The following TCF12 variants were observed in gnomAD, a reference collection of about 807,000 sequenced individuals.
The protein encoded by TCF12 is DNA-binding protein HTF4.
In TCF12, 45 loss-of-function variants were observed where a neutral mutation model predicts 86.0. The ratio of observed to expected loss-of-function variants is 0.52; its 90% CI spans 0.41 to 0.67. TCF12 has a LOEUF of 0.67. TCF12 is among the 30% of genes least tolerant of loss of function. TCF12 has a pLI of 0.00. For synonymous variants in TCF12, 330 were observed against 299.6 expected (o/e 1.10, Z -1.05); for missense variants, 881 against 859.9 (o/e 1.02, Z -0.31).
chr15:57,036,686 T>A (rs1446878182), intron 3 of TCF12, among the ~76,000 whole-genome samples: 1 of 152,222 alleles, frequency 6.6e-6, no homozygotes, highest in Non-Finnish European at 1.5e-5. Flanking sequence ...GCCCATTTTT[T>A]AATTGAAAAT....
intron 3 of TCF12, among the ~76,000 whole-genome samples, chr15:56,973,930 T>A (rs761360761): frequency 1.3e-5 from 2 of 152,270 alleles, no homozygotes; most frequent in South Asian, 4.1e-4. Context: ...TGAGACAGGC[T>A]CACGTTAAAG....
At position 57,240,879 on chromosome 15, in the gene TCF12, CAAAAAA is replaced by C. The variant is rs68154303; in HGVS notation, c.1036-2576_1036-2571del. Among the ~76,000 whole-genome samples the C allele has an allele frequency of 1.8e-4, 12 of 65,690 alleles. No individual in the cohort carries two copies. In the Admixed American group the frequency reaches 2.5e-3, roughly 14 times the overall value. The allele number at this position is 65,690 out of a possible 152,430, so 43.1% of individuals were successfully genotyped here. ...TGGGTGACAGAGCAAGACCCTGTCT[CAAAAAA>C]AAAAAAAAAAAAAAAAGAAAGGGAA... On this transcript the variant is annotated intron_variant, in intron 12 of 20. Coordinates refer to ENST00000333725, the MANE Select transcript of TCF12 (RefSeq NM_207037.2).
chr15:57,001,088 C>G (rs570258187), intron 3 of TCF12, among the ~76,000 whole-genome samples: 1 of 146,738 alleles, frequency 6.8e-6, no homozygotes, highest in East Asian at 2.0e-4. Context: ...GCGATCTCGG[C>G]TCACTGCAAC....
chr15:57,080,734 T>C (rs937628589), intron 4 of TCF12, among the ~76,000 whole-genome samples: 5 of 152,232 alleles, frequency 3.3e-5, no homozygotes, highest in African/African-American at 1.2e-4. Flanking sequence ...TGCCTTTTAT[T>C]AGAATGGAGT....
At chr15:57,260,699 A>C (rs914624480) in intron 16 of TCF12, among the ~76,000 whole-genome samples, 2 of 152,120 alleles carry the variant, frequency 1.3e-5, no homozygotes, top group East Asian at 3.8e-4. Context: ...GTTCCAAAGA[A>C]TTTGCAGCCG....
At chr15:57,086,944 C>G (rs1355440211) in intron 4 of TCF12, among the ~76,000 whole-genome samples, 2 of 151,858 alleles carry the variant, frequency 1.3e-5, no homozygotes, top group Admixed American at 6.6e-5. Context: ...AGAAAAAATT[C>G]TTGTATTTTT....
At chr15:57,177,637 A>AGAGAGAGAGAGAGAGAGAGAGT (rs1441034528) in intron 6 of TCF12, among the ~76,000 whole-genome samples, 1 of 151,622 alleles carries the variant, frequency 6.6e-6, no homozygotes, top group Non-Finnish European at 1.5e-5. Flanking sequence ...AGAGAGAGAG[A>AGAGAGAGAGAGAGAGAGAGAGT]GTTGGATTAG....
Position 57,104,435 on chromosome 15 carries a change from C to CTTTTT in TCF12, c.325+12564_325+12568dup, listed in dbSNP as rs71113062. Among the ~76,000 whole-genome samples, 37 of 103,332 alleles carry CTTTTT rather than the reference C, an allele frequency of 3.6e-4. 1 individual carries two copies. The highest frequency in any genetic ancestry group is 7.5e-4 in the Admixed American group (6 of 8,048). The allele number at this position is 103,332 out of a possible 152,430, so 67.8% of individuals were successfully genotyped here. A position where few individuals can be genotyped will look rare whatever the true frequency, so the allele number is the denominator to read the frequency against. ...AGCCACAAGAATAAATTTTTTTTTT[C>CTTTTT]TTTTTTTTTTTTTTTTTTTTTTTTG... On this transcript the variant is annotated intron_variant, in intron 5 of 20. Transcript: ENST00000333725.
intron 8 of TCF12, among the ~76,000 whole-genome samples, chr15:57,223,038 GA>G (rs534446168): frequency 2.6e-5 from 4 of 151,416 alleles, no homozygotes; most frequent in Non-Finnish European, 4.4e-5. Flanking sequence ...TGGAATCTGG[GA>G]AAAAAAAGAA....
intron 3 of TCF12, among the ~76,000 whole-genome samples, chr15:56,942,772 C>T (rs556974964): frequency 4.6e-5 from 7 of 152,060 alleles, no homozygotes; most frequent in African/African-American, 1.2e-4. Context: ...ATATTCCTTT[C>T]CATTTCTTTC....
At chr15:57,004,343 T>G (rs149641120) in intron 3 of TCF12, among the ~76,000 whole-genome samples, 109 of 152,158 alleles carry the variant, frequency 7.2e-4, no homozygotes, top group Non-Finnish European at 1.8e-4. Context: ...GTTCAAGTGA[T>G]TCTCCTGTCT....
intron 5 of TCF12, among the ~76,000 whole-genome samples, chr15:57,138,163 A>G (rs1402471059): frequency 2.0e-5 from 3 of 152,140 alleles, no homozygotes; most frequent in African/African-American, 7.2e-5. Flanking sequence ...CAGTTTTTCC[A>G]TTTTACTTTT....
intron 5 of TCF12, among the ~76,000 whole-genome samples, chr15:57,123,447 G>A (rs1048570639): frequency 2.6e-5 from 4 of 151,732 alleles, no homozygotes; most frequent in Admixed American, 6.6e-5. Flanking sequence ...TTGTTTGAAA[G>A]TCTTTCATTT....
At chr15:57,236,745 G>A (rs1358495622) in intron 12 of TCF12, among the ~76,000 whole-genome samples, 11 of 151,586 alleles carry the variant, frequency 7.3e-5, no homozygotes, top group African/African-American at 1.5e-4. Flanking sequence ...CATAATTGTG[G>A]TCTTAATCTC....
chr15:57,137,620 G>C (rs1249758397), intron 5 of TCF12, among the ~76,000 whole-genome samples: 1 of 152,174 alleles, frequency 6.6e-6, no homozygotes, highest in Non-Finnish European at 1.5e-5. Context: ...CAGTGACTCT[G>C]CAACTGCTAT....
intron 5 of TCF12, among the ~76,000 whole-genome samples, chr15:57,135,928 A>ATT (rs34980035): frequency 2.6e-4 from 39 of 147,374 alleles, no homozygotes; most frequent in South Asian, 6.4e-4. Flanking sequence ...AAAAATCTGG[A>ATT]TTTTTTTTTT....
intron 18 of TCF12, among the ~76,000 whole-genome samples, chr15:57,269,477 T>TAC (rs1286846907): frequency 1.4e-5 from 2 of 143,618 alleles, no homozygotes; most frequent in African/African-American, 5.1e-5. Context: ...GTCTCCTGAA[T>TAC]ACAGCACACT....
Position 57,232,754 on chromosome 15 carries a change from A to T in TCF12, c.868A>T (p.Ser290Cys). 6.2e-7 allele frequency: 1 copy of T among 1,612,160 alleles called. No individual in the cohort carries two copies. Among genetic ancestry groups the T allele is most frequent in the Non-Finnish European group, 8.5e-7 (1 of 1,179,144 alleles). The change falls in exon 11 of 21, where the codon AGT becomes TGT. Residue 290 changes from serine to cysteine, a missense_variant. By Grantham distance (112) the Ser-to-Cys change is moderately radical (BLOSUM62 -1). This residue lies in a region of TCF12 where 766 missense variants were observed against 718.9 expected (regional missense o/e 1.07). Transcript: ENST00000333725. Reference sequence around the variant, plus strand: ...AGTTTCACCAACAGACATAAACACGAGTCTTCCACCAATGTCCAGCTTTCA... The same window carrying T: ...AGTTTCACCAACAGACATAAACACGTGTCTTCCACCAATGTCCAGCTTTCA... Reference protein sequence around the residue: ...HSVSPTDINTSLPPMSSFHRG... With the variant: ...HSVSPTDINTCLPPMSSFHRG...
At chr15:57,017,384 A>T (rs2065214106) in intron 3 of TCF12, among the ~76,000 whole-genome samples, 2 of 152,232 alleles carry the variant, frequency 1.3e-5, no homozygotes, top group African/African-American at 4.8e-5. Flanking sequence ...TTTCTTGTAA[A>T]TGAAGATTTG....
Sources: allele counts gnomAD v4.1 joint callset (sites outside exome capture counted in the v4.1 genomes callset), GRCh38; gene constraint gnomAD v4.1.1; regional missense constraint gnomAD v4.1.1; transcripts MANE v1.5; gene names NCBI Gene and HGNC (gene_info 2026-07-23, HGNC 2026-07-21).